Variants in FHOD3 observed in about 807,000 individuals in gnomAD.
FHOD3 encodes formin homology 2 domain containing 3.
FHOD3 carries 90 observed loss-of-function variants against 173.0 expected under a neutral mutation model. The ratio of observed to expected loss-of-function variants is 0.52; its 90% CI spans 0.44 to 0.62. FHOD3 has a LOEUF of 0.62. FHOD3 is among the 20% of genes least tolerant of loss of function. The probability of loss-of-function intolerance (pLI) is 0.00; values close to 1 mark genes in which losing one functional copy is unlikely to be tolerated. For synonymous variants in FHOD3, 828 were observed against 823.0 expected, an observed-to-expected ratio of 1.01 and a Z score of -0.10; for missense variants, 1,945 against 2,034.7, an observed-to-expected ratio of 0.96 and a Z score of 0.85.
chr18:36,767,724 G>A (rs527361858), intron 27 of FHOD3, among the ~76,000 whole-genome samples: 1 of 152,246 alleles, frequency 6.6e-6, no homozygotes, highest in South Asian at 2.1e-4. Context: ...TTTGCAAAGT[G>A]TGAAATATTT....
chr18:36,518,610 A>G (rs537810679), intron 5 of FHOD3, among the ~76,000 whole-genome samples: 13 of 152,182 alleles, frequency 8.5e-5, no homozygotes, highest in Non-Finnish European at 1.9e-4. Flanking sequence ...TGTGTGCCCT[A>G]TCTAACAGGT....
In FHOD3 at chr18:36,760,780, G is replaced by T. The variant is rs906658191; in HGVS notation, c.4622G>T (p.Arg1541Leu). Residue 1541 changes from arginine (R) to leucine (L), a missense_variant and splice_region_variant, in exon 27 of 29, where the codon CGA becomes CTA. This residue lies in a region of FHOD3 where 354 missense variants were observed against 359.9 expected (regional missense o/e 0.98). Coordinates refer to ENST00000590592, the MANE Select transcript of FHOD3 (RefSeq NM_001281740.3). ...LGVRTRSRAS[R>L]GSTSSWTMGT... The stretch of plus-strand genomic sequence containing the variant: ...GTCCGCACACGCAGCCGAGCAAGCC[G>T]AGGTAACTCCTGGCTGCGCGGGGCT... 1.9e-6 allele frequency: 3 copies of T among 1,609,028 alleles called. No individual in the cohort carries two copies. The highest frequency in any genetic ancestry group is 2.5e-6 in the Non-Finnish European group (3 of 1,178,142).
chr18:36,606,167 A>G (rs902979614), intron 8 of FHOD3, among the ~76,000 whole-genome samples: 4 of 152,134 alleles, frequency 2.6e-5, no homozygotes, highest in African/African-American at 7.2e-5. Flanking sequence ...TTGTTTTTAC[A>G]TTTACTTTTA....
At position 36,355,609 on chromosome 18, in the gene FHOD3, A is replaced by G; in HGVS notation, c.236A>G (p.Gln79Arg). 6.2e-7 allele frequency: 1 copy of G among 1,614,136 alleles called. No individual in the cohort carries two copies. Among genetic ancestry groups the G allele is most frequent in the South Asian group, 1.1e-5 (1 of 91,080 alleles). Reference protein sequence around the residue: ...YLDLEATLAEQRDELEGFQDD... With the variant: ...YLDLEATLAERRDELEGFQDD... ...GATTTGGAGGCCACCCTGGCAGAGC[A>G]GCGGGATGAGTTGGAAGGCTTCCAG... Residue 79 changes from glutamine (Q) to arginine (R), a missense_variant, in exon 2 of 29, where the codon CAG (glutamine) becomes CGG (arginine). Physicochemically the swap from Gln to Arg is conservative, Grantham distance 43 (BLOSUM62 1). Around this residue, in one of 5 missense-constraint regions of FHOD3, gnomAD observed 245 missense variants for 267.7 expected, o/e 0.92. Transcript: ENST00000590592.
intron 3 of FHOD3, among the ~76,000 whole-genome samples, chr18:36,394,111 G>A (rs2048435384): frequency 6.6e-6 from 1 of 152,184 alleles, no homozygotes; most frequent in South Asian, 2.1e-4. Context: ...AAAGAACACT[G>A]GTATGGGAGT....
intron 1 of FHOD3, among the ~76,000 whole-genome samples, chr18:36,315,296 G>A (rs2044062620): frequency 6.6e-6 from 1 of 152,340 alleles, no homozygotes; most frequent in South Asian, 2.1e-4. Context: ...TTTACATGGA[G>A]ATGTTTAGGG....
At chr18:36,563,173 C>A (rs759955990) in intron 5 of FHOD3, among the ~76,000 whole-genome samples, 2 of 152,120 alleles carry the variant, frequency 1.3e-5, no homozygotes, top group Admixed American at 1.3e-4. Flanking sequence ...GAGAGAAGTA[C>A]AGAATTAATA....
intron 4 of FHOD3, among the ~76,000 whole-genome samples, chr18:36,508,562 G>A (rs575502930): frequency 1.3e-5 from 2 of 151,266 alleles, no homozygotes; most frequent in South Asian, 4.2e-4. Context: ...ATCAGTAAGG[G>A]TGATAATTGC....
chr18:36,576,347 T>A lies in FHOD3; in HGVS notation c.512-104T>A, dbSNP rs1599723292. ...TTCTCCTCAGATTTGATTCTTAACATACTGTGTACTTAAAGTATGAAAATC... is the reference window on the plus strand; with the variant it reads ...TTCTCCTCAGATTTGATTCTTAACAAACTGTGTACTTAAAGTATGAAAATC... On this transcript the variant is annotated intron_variant, in intron 5 of 28. Transcript: ENST00000590592. The A allele has an allele frequency of 4.4e-6, 3 of 682,672 alleles. No homozygotes were observed. In the East Asian group the frequency reaches 9.3e-5, roughly 21 times the overall value. The allele number at this position is 682,672 out of a possible 1,614,324, so 42.3% of individuals were successfully genotyped here.
At chr18:36,387,508 A>G (rs1057122187) in intron 3 of FHOD3, among the ~76,000 whole-genome samples, 1 of 152,198 alleles carries the variant, frequency 6.6e-6, no homozygotes, top group African/African-American at 2.4e-5. Flanking sequence ...CCTGACTCAA[A>G]ATAACACATC....
chr18:36,693,937 T>G (rs1213576899), intron 17 of FHOD3, among the ~76,000 whole-genome samples: 3 of 152,192 alleles, frequency 2.0e-5, no homozygotes, highest in Non-Finnish European at 4.4e-5. Context: ...GGCACATGGT[T>G]GGATGTGGGT....
At chr18:36,569,324 A>G (rs1375837122) in intron 5 of FHOD3, among the ~76,000 whole-genome samples, 1 of 152,202 alleles carries the variant, frequency 6.6e-6, no homozygotes, top group Admixed American at 6.5e-5. Context: ...TGAAGTGACT[A>G]TATTAATTAT....
At chr18:36,574,686 A>G (rs1165037785) in intron 5 of FHOD3, among the ~76,000 whole-genome samples, 2 of 152,016 alleles carry the variant, frequency 1.3e-5, no homozygotes, top group Non-Finnish European at 2.9e-5. Flanking sequence ...ATTTCCAACA[A>G]TTTTGTATCT....
chr18:36,692,314 G>A lies in FHOD3; in HGVS notation c.2022-895G>A, dbSNP rs143817393. 5.3e-5 allele frequency among the ~76,000 whole-genome samples: 8 copies of A among 152,334 alleles called. No individual in the cohort carries two copies. In the South Asian group the frequency reaches 6.2e-4, roughly 12 times the overall value. On this transcript the variant is annotated intron_variant, in intron 16 of 28. Transcript: ENST00000590592. ...TGAATTGGATAGATGCAAAGTGAGC[G>A]TCTTGAGTAAGCTGTTCCAAAGTTT...
intron 19 of FHOD3, among the ~76,000 whole-genome samples, chr18:36,723,466 A>T (rs1223918708): frequency 6.6e-6 from 1 of 152,152 alleles, no homozygotes; most frequent in Non-Finnish European, 1.5e-5. Flanking sequence ...GGAAAATTCC[A>T]TAGTTGTCAC....
At chr18:36,498,376 A>G (rs964185460) in intron 3 of FHOD3, among the ~76,000 whole-genome samples, 2 of 152,204 alleles carry the variant, frequency 1.3e-5, no homozygotes, top group Admixed American at 1.3e-4. Context: ...AAAAACCTCT[A>G]ATGAAATCAA....
intron 1 of FHOD3, among the ~76,000 whole-genome samples, chr18:36,300,810 C>T (rs976632481): frequency 6.6e-6 from 1 of 152,020 alleles, no homozygotes; most frequent in African/African-American, 2.4e-5. Context: ...GTGATCATGG[C>T]TCACTGTAAC....
chr18:36,642,912 T>C (rs547394967), intron 10 of FHOD3, among the ~76,000 whole-genome samples: 6 of 152,116 alleles, frequency 3.9e-5, no homozygotes, highest in Non-Finnish European at 7.4e-5. Context: ...TTTACTTTTT[T>C]TTCTGTACTT....
Position 36,649,335 on chromosome 18 carries a change from G to T in FHOD3, c.1216G>T (p.Glu406Ter). 1 of 1,535,836 alleles carries T rather than the reference G, an allele frequency of 6.5e-7. No homozygotes were observed. The highest frequency in any genetic ancestry group is 1.2e-5 in the South Asian group (1 of 84,036). Residue 406 changes from glutamate (E) to a stop codon, truncating the protein, a stop_gained, in exon 11 of 29, where the codon GAG becomes TAG. Transcript: ENST00000590592. LOFTEE classifies it high-confidence loss of function. ...LREKEEEEEE[E>*]QPITEPSSEE... ...TCTCAGGGAGGAGGAGGAGGAAGAG[G>T]AGCAGCCAATCACGGAGCCCAGTTC...
Sources: gnomAD v4.1 joint callset for allele counts (sites outside exome capture counted in the v4.1 genomes callset) on GRCh38, gnomAD v4.1.1 for gene constraint, gnomAD v4.1.1 regional missense constraint, MANE v1.5 for transcripts, NCBI Gene and HGNC (gene_info 2026-07-23, HGNC 2026-07-21) for gene names.